The following VIT variants were observed in gnomAD, a reference collection of about 807,000 sequenced individuals.
The protein encoded by VIT is vitrin.
In VIT, 99 loss-of-function variants were observed where a neutral mutation model predicts 78.0. The ratio of observed to expected loss-of-function variants is 1.27; its 90% confidence interval spans 1.08 to 1.50. VIT has a LOEUF of 1.50. Ranked by LOEUF, VIT falls within the 40% of genes most tolerant of loss-of-function variation. VIT has a pLI of 0.00. For synonymous variants in VIT, 374 were observed against 334.3 expected (o/e 1.12, Z -1.29); for missense variants, 1,126 against 875.3 (o/e 1.29, Z -3.61).
chr2:36,736,948 A>G (rs1667544124), intron 3 of VIT, among the ~76,000 whole-genome samples: 1 of 152,230 alleles, frequency 6.6e-6, no homozygotes, highest in Non-Finnish European at 1.5e-5. Flanking sequence ...GTATTACTCT[A>G]AGAGCTTTTT....
intron 2 of VIT, among the ~76,000 whole-genome samples, chr2:36,725,166 A>G (rs1387360696): frequency 1.3e-5 from 2 of 152,082 alleles, no homozygotes; most frequent in African/African-American, 4.8e-5. Context: ...TTCTCCTAGG[A>G]TATGGTACGT....
At chr2:36,742,995 G>A in intron 3 of VIT, 105 bp from the exon 4 acceptor site, 1 of 1,455,306 alleles carries the variant, frequency 6.9e-7, no homozygotes, top group African/African-American at 1.4e-5. Flanking sequence ...GTCGGCCCAG[G>A]CTCTGGCTTT....
intron 4 of VIT, among the ~76,000 whole-genome samples, chr2:36,750,728 G>A (rs1572471490): frequency 6.6e-6 from 1 of 151,662 alleles, no homozygotes; most frequent in Admixed American, 6.6e-5. Flanking sequence ...GGCTGAGGCA[G>A]GAGAATCGCT....
intron 6 of VIT, 46 bp downstream of exon 6, chr2:36,759,092 A>G: frequency 6.2e-7 from 1 of 1,614,192 alleles, no homozygotes; most frequent in Non-Finnish European, 8.5e-7. Context: ...GAGTCCATGA[A>G]CACGCGACGT....
intron 14 of VIT, among the ~76,000 whole-genome samples, chr2:36,807,836 A>T (rs530957989): frequency 1.3e-5 from 2 of 152,308 alleles, no homozygotes; most frequent in Non-Finnish European, 2.9e-5. Flanking sequence ...TTGTGTTCCA[A>T]TCTCAGGGAC....
At chr2:36,783,177 T>A (rs374401594) in intron 10 of VIT, among the ~76,000 whole-genome samples, 163 bp from the exon 11 acceptor site, 2 of 152,200 alleles carry the variant, frequency 1.3e-5, no homozygotes, top group East Asian at 3.9e-4. Context: ...TAAATATTAA[T>A]TTATTATTTT....
intron 6 of VIT, among the ~76,000 whole-genome samples, chr2:36,765,335 T>C (rs1409345002): frequency 6.6e-6 from 1 of 151,554 alleles, no homozygotes; most frequent in Non-Finnish European, 1.5e-5. Flanking sequence ...TGACTCACAG[T>C]TCCACATGGC....
chr2:36,780,792 C>T (rs574672239), intron 9 of VIT, among the ~76,000 whole-genome samples: 1 of 141,558 alleles, frequency 7.1e-6, no homozygotes, highest in African/African-American at 2.6e-5. Flanking sequence ...ACTTTCTGAG[C>T]TAAAATAGAG....
At chr2:36,801,753 G>A (rs995270155) in intron 13 of VIT, among the ~76,000 whole-genome samples, 4 of 150,754 alleles carry the variant, frequency 2.7e-5, no homozygotes, top group African/African-American at 9.8e-5. Context: ...TCCAGCCTGG[G>A]TGGCAGAGCG....
intron 2 of VIT, among the ~76,000 whole-genome samples, chr2:36,717,182 A>AT (rs577779821): frequency 0.019 from 2,296 of 118,054 alleles, 70 homozygotes; most frequent in African/African-American, 0.063. Context: ...GCCAGAGATG[A>AT]TTTTTTTTTT....
chr2:36,765,337 C>A (rs772333311), intron 6 of VIT, among the ~76,000 whole-genome samples: 1 of 151,458 alleles, frequency 6.6e-6, no homozygotes, highest in Non-Finnish European at 1.5e-5. Context: ...ACTCACAGTT[C>A]CACATGGCTG....
At chr2:36,786,347 G>T (rs192531518) in intron 11 of VIT, among the ~76,000 whole-genome samples, 1 of 152,084 alleles carries the variant, frequency 6.6e-6, no homozygotes, top group African/African-American at 2.4e-5. Flanking sequence ...CCTGTCTACC[G>T]CAAAGGAAAC....
chr2:36,770,818 T>C (rs1195674132), intron 7 of VIT, among the ~76,000 whole-genome samples: 1 of 152,210 alleles, frequency 6.6e-6, no homozygotes, highest in African/African-American at 2.4e-5. Context: ...AGACATGCCA[T>C]GGTTGCCTCA....
intron 3 of VIT, 89 bp from the exon 4 acceptor site, chr2:36,743,011 A>G: frequency 6.5e-7 from 1 of 1,538,554 alleles, no homozygotes; most frequent in Non-Finnish European, 8.8e-7. Context: ...GCTTTTAGAG[A>G]TTAAGTCAAT....
chr2:36,803,296 G>C (rs1025156541), intron 13 of VIT, among the ~76,000 whole-genome samples: 1 of 152,228 alleles, frequency 6.6e-6, no homozygotes, highest in Non-Finnish European at 1.5e-5. Flanking sequence ...TAAATCTCAT[G>C]CAAGTGCATC....
chr2:36,812,537 C>T (rs1667248289), intron 15 of VIT, among the ~76,000 whole-genome samples: 1 of 152,098 alleles, frequency 6.6e-6, no homozygotes, highest in Non-Finnish European at 1.5e-5. Flanking sequence ...ATCTCTGAAT[C>T]CCATCCTCTC....
At chr2:36,716,174 G>A (rs1180420284) in intron 1 of VIT, among the ~76,000 whole-genome samples, 179 bp from the exon 2 acceptor site, 1 of 152,138 alleles carries the variant, frequency 6.6e-6, no homozygotes, top group Non-Finnish European at 1.5e-5. Flanking sequence ...TAGCATCTCT[G>A]GGTACCAGCA....
At chr2:36,808,446 G>T (rs746597241) in intron 14 of VIT, 26 bp from the exon 15 acceptor site, 2 of 1,578,218 alleles carry the variant, frequency 1.3e-6, no homozygotes. Context: ...CTGACGTGGC[G>T]TGGGTCCCTC....
rs1172249018 is a variant in VIT, at chr2:36,749,457, A to G, written c.276-5464A>G. 2.0e-5 allele frequency among the ~76,000 whole-genome samples: 3 copies of G among 152,218 alleles called. No homozygotes were observed. In the East Asian group the frequency reaches 5.8e-4, roughly 29 times the overall value. Reference sequence around the variant, plus strand: ...TTAAGTTTATGGTCAAAACATAGATAAATGTATGCTTACTTAATATCTTTG... The same window carrying G: ...TTAAGTTTATGGTCAAAACATAGATGAATGTATGCTTACTTAATATCTTTG... On this transcript the variant is annotated intron_variant, in intron 4 of 15. Transcript: ENST00000379242.
Sources: gnomAD v4.1 joint callset for allele counts (sites outside exome capture counted in the v4.1 genomes callset) on GRCh38, gnomAD v4.1.1 for gene constraint, MANE v1.5 for transcripts, NCBI Gene and HGNC (gene_info 2026-07-23, HGNC 2026-07-21) for gene names.